Variants in ZMAT4 observed in about 807,000 individuals in gnomAD.
The protein encoded by ZMAT4 is zinc finger matrin-type protein 4.
Under a neutral mutation model 28.7 loss-of-function variants are expected in ZMAT4, and 17 were observed. That is an observed-to-expected ratio of 0.59 (90% confidence interval 0.41 to 0.89). The LOEUF (loss-of-function observed/expected upper bound fraction) is 0.89. Ranked by LOEUF, ZMAT4 falls within the 40% of genes least tolerant of loss-of-function variation. ZMAT4 has a pLI of 0.00. For synonymous variants in ZMAT4, 117 were observed against 109.2 expected, an observed-to-expected ratio of 1.07 and a Z score of -0.44; for missense variants, 240 against 283.8, an observed-to-expected ratio of 0.85 and a Z score of 1.11.
intron 3 of ZMAT4, among the ~76,000 whole-genome samples, chr8:40,764,152 GTC>G (rs1813049054): frequency 6.6e-6 from 1 of 152,136 alleles, no homozygotes; most frequent in South Asian, 2.1e-4. Flanking sequence ...AGTCCTTTCT[GTC>G]TCTAACGCTG....
chr8:40,881,885 A>C (rs1563264463), intron 1 of ZMAT4, among the ~76,000 whole-genome samples: 1 of 151,934 alleles, frequency 6.6e-6, no homozygotes, highest in East Asian at 1.9e-4. Context: ...CATCACCGCC[A>C]CTCCTCAGAA....
chr8:40,656,755 C>T lies in ZMAT4; in HGVS notation c.577+17949G>A, dbSNP rs182905223. Among the ~76,000 whole-genome samples, 37 of 151,960 alleles carry T rather than the reference C, an allele frequency of 2.4e-4. 2 individuals carry two copies. The East Asian group carries it at 6.0e-3, about 25-fold the overall frequency. ...AAAACCTCTACCCCATAAATATGTACAACTATTATGTATCAATAAAAAAGG... is the reference window on the plus strand; with the variant it reads ...AAAACCTCTACCCCATAAATATGTATAACTATTATGTATCAATAAAAAAGG... On this transcript the variant is annotated intron_variant, in intron 5 of 6. Coordinates refer to ENST00000297737, the MANE Select transcript of ZMAT4 (RefSeq NM_024645.3).
At chr8:40,707,693 A>G (rs1212511577) in intron 3 of ZMAT4, among the ~76,000 whole-genome samples, 1 of 152,188 alleles carries the variant, frequency 6.6e-6, no homozygotes, top group Admixed American at 6.5e-5. Context: ...CATGTAATCA[A>G]ATGGTTTAAA....
At chr8:40,554,157 A>G (rs1803451776) in intron 6 of ZMAT4, among the ~76,000 whole-genome samples, 1 of 152,140 alleles carries the variant, frequency 6.6e-6, no homozygotes, top group African/African-American at 2.4e-5. Flanking sequence ...ATAAGGTGAC[A>G]TTATCCCTAA....
At chr8:40,786,228 TA>T (rs1359119891) in intron 2 of ZMAT4, among the ~76,000 whole-genome samples, 2 of 152,236 alleles carry the variant, frequency 1.3e-5, no homozygotes, top group African/African-American at 4.8e-5. Context: ...CTGGTATTTC[TA>T]ATCTTACTCC....
rs555687281 is a variant in ZMAT4, at chr8:40,649,558, C to G, written c.577+25146G>C. 1.9e-3 allele frequency among the ~76,000 whole-genome samples: 289 copies of G among 152,220 alleles called. 2 individuals carry two copies. Among genetic ancestry groups the G allele is most frequent in the Admixed American group, 6.5e-3 (100 of 15,286 alleles). Reference sequence around the variant, plus strand: ...AAGGATACCGAGGAATTGAACTCAGCTCTGCACCAAGCAGACCTAATAGAC... The same window carrying G: ...AAGGATACCGAGGAATTGAACTCAGGTCTGCACCAAGCAGACCTAATAGAC... On this transcript the variant is annotated intron_variant, in intron 5 of 6. Coordinates refer to ENST00000297737, the MANE Select transcript of ZMAT4 (RefSeq NM_024645.3).
At chr8:40,593,492 A>G (rs559682997) in intron 5 of ZMAT4, among the ~76,000 whole-genome samples, 1 of 152,278 alleles carries the variant, frequency 6.6e-6, no homozygotes, top group East Asian at 1.9e-4. Flanking sequence ...GTTGGCCTCT[A>G]TGATTTCCCT....
At chr8:40,753,487 A>G (rs1481035671) in intron 3 of ZMAT4, among the ~76,000 whole-genome samples, 2 of 152,118 alleles carry the variant, frequency 1.3e-5, no homozygotes, top group African/African-American at 4.8e-5. Context: ...GCTTTCCACT[A>G]TGTTTCTTTA....
At chr8:40,690,656 G>A (rs1809621008) in intron 4 of ZMAT4, among the ~76,000 whole-genome samples, 1 of 152,100 alleles carries the variant, frequency 6.6e-6, no homozygotes, top group South Asian at 2.1e-4. Flanking sequence ...ATTGAACCTA[G>A]AGTGCATGTA....
chr8:40,722,289 A>T (rs1416987610), intron 3 of ZMAT4, among the ~76,000 whole-genome samples: 1 of 152,218 alleles, frequency 6.6e-6, no homozygotes, highest in African/African-American at 2.4e-5. Flanking sequence ...ACAAAGGGCT[A>T]TTTTTAAGCT....
At chr8:40,823,569 G>A (rs1815908580) in intron 2 of ZMAT4, among the ~76,000 whole-genome samples, 1 of 152,166 alleles carries the variant, frequency 6.6e-6, no homozygotes, top group Admixed American at 6.5e-5. Flanking sequence ...TGAGGCAGGA[G>A]AATCACTTGA....
At chr8:40,575,426 C>T (rs1804231810) in intron 6 of ZMAT4, among the ~76,000 whole-genome samples, 1 of 152,014 alleles carries the variant, frequency 6.6e-6, no homozygotes, top group Non-Finnish European at 1.5e-5. Context: ...GCCAGCTGAC[C>T]CACCAAGTGT....
At chr8:40,860,163 C>T (rs780359103) in intron 1 of ZMAT4, among the ~76,000 whole-genome samples, 1 of 152,062 alleles carries the variant, frequency 6.6e-6, no homozygotes, top group African/African-American at 2.4e-5. Flanking sequence ...AGTAATGACA[C>T]CTGCCACAAA....
rs1818927486 is a variant in ZMAT4, at chr8:40,897,715, C to G, written c.-37G>C. 1 of 152,274 alleles carries G rather than the reference C, an allele frequency of 6.6e-6. No homozygotes were observed. The highest frequency in any genetic ancestry group is 6.5e-5 in the Admixed American group (1 of 15,286). The allele number at this position is 152,274 out of a possible 1,614,324, so 9.4% of individuals were successfully genotyped here. ...GCGAGGCAGAGGGGCCGCCGGTGCC[C>G]AGAGGCCAGCTGCCCTGCCGAGCAG... On this transcript the variant is annotated 5_prime_UTR_variant, in exon 1 of 7. Transcript: ENST00000297737.
intron 1 of ZMAT4, among the ~76,000 whole-genome samples, chr8:40,866,767 C>T (rs1817688442): frequency 6.6e-6 from 1 of 152,190 alleles, no homozygotes; most frequent in Admixed American, 6.5e-5. Flanking sequence ...AAATTCAGTG[C>T]TGTGTATGTG....
intron 5 of ZMAT4, among the ~76,000 whole-genome samples, chr8:40,651,166 A>G (rs1409928745): frequency 5.9e-5 from 9 of 152,104 alleles, no homozygotes; most frequent in Admixed American, 1.3e-4. Context: ...ATGATTGTAT[A>G]TCTAGAAAAC....
chr8:40,611,171 TA>T (rs1805780619), intron 5 of ZMAT4, among the ~76,000 whole-genome samples: 1 of 152,182 alleles, frequency 6.6e-6, no homozygotes, highest in South Asian at 2.1e-4. Context: ...CATTTTAGCA[TA>T]AAAGCATAAG....
chr8:40,604,588 T>C (rs533022325), intron 5 of ZMAT4, among the ~76,000 whole-genome samples: 3 of 152,362 alleles, frequency 2.0e-5, no homozygotes, highest in Non-Finnish European at 4.4e-5. Context: ...TCATGGTGGA[T>C]AATTTTTTTG....
At chr8:40,624,071 G>C (rs6996313) in intron 5 of ZMAT4, among the ~76,000 whole-genome samples, 1 of 151,920 alleles carries the variant, frequency 6.6e-6, no homozygotes, top group Non-Finnish European at 1.5e-5. Flanking sequence ...GAATTGCAAG[G>C]GTATGTGTAT....
Sources: allele counts gnomAD v4.1 joint callset (sites outside exome capture counted in the v4.1 genomes callset), GRCh38; gene constraint gnomAD v4.1.1; transcripts MANE v1.5; gene names NCBI Gene and HGNC (gene_info 2026-07-23, HGNC 2026-07-21).